CSMD2: variants seen among roughly 807,000 people sequenced by gnomAD.
The protein encoded by CSMD2 is CUB and Sushi multiple domains 2.
Under a neutral mutation model 398.5 loss-of-function variants are expected in CSMD2, and 130 were observed. That is an observed-to-expected ratio of 0.33 (90% confidence interval 0.28 to 0.38). The LOEUF is 0.38. CSMD2 is among the 10% of genes least tolerant of loss of function. The probability of loss-of-function intolerance (pLI) is 1.00; values close to 1 mark genes in which losing one functional copy is unlikely to be tolerated. For missense variants in CSMD2, 3,829 were observed against 4,764.9 expected (o/e 0.80, Z 5.78); for synonymous variants, 1,828 against 1,908.5 (o/e 0.96, Z 1.10).
intron 48 of CSMD2, among the ~76,000 whole-genome samples, chr1:33,578,973 C>G (rs544161478): frequency 1.3e-5 from 2 of 152,174 alleles, no homozygotes; most frequent in Non-Finnish European, 2.9e-5. Flanking sequence ...ACAAGAATCT[C>G]GGTTGTAAAA....
intron 25 of CSMD2, among the ~76,000 whole-genome samples, chr1:33,688,425 A>G (rs543553483): frequency 2.6e-5 from 4 of 152,246 alleles, no homozygotes; most frequent in Non-Finnish European, 2.9e-5. Context: ...GACAGACATT[A>G]ATAGTTATTT....
chr1:33,914,385 AGT>A (rs72433922), intron 5 of CSMD2, among the ~76,000 whole-genome samples: 9,377 of 139,450 alleles, frequency 0.067, 336 homozygotes, highest in Middle Eastern at 0.11. Context: ...ACGATTTGGC[AGT>A]GTGTGTGTGT....
At position 34,164,768 on chromosome 1, in the gene CSMD2, TGA is replaced by T; in HGVS notation, c.187+141_187+142del. 1.5e-6 allele frequency: 1 copy of T among 688,870 alleles called. No homozygotes were observed. Among genetic ancestry groups the T allele is most frequent in the South Asian group, 7.4e-5 (1 of 13,478 alleles). 42.7% of individuals were successfully genotyped at this position (688,870 alleles called of 1,614,324 possible). A position where few individuals can be genotyped will look rare whatever the true frequency, so the allele number is the denominator to read the frequency against. On this transcript the variant is annotated intron_variant, in intron 1 of 70. Transcript: ENST00000373381. This position sits in a 1 kb window ranked among gnomAD's most constrained non-coding sequence, Gnocchi z 6.2. ...TGGGAGACGGAGGCAGGGATGAGAA[TGA>T]GAGTAGGCAACTGGGAGGGTGGGAG...
intron 19 of CSMD2, among the ~76,000 whole-genome samples, chr1:33,719,410 G>A (rs1005097521): frequency 6.6e-6 from 1 of 152,200 alleles, no homozygotes; most frequent in Non-Finnish European, 1.5e-5. Flanking sequence ...TTCTAAGGAT[G>A]AGCAAACATC....
chr1:33,656,644 A>G (rs527936644), intron 27 of CSMD2, among the ~76,000 whole-genome samples: 2 of 152,302 alleles, frequency 1.3e-5, no homozygotes, highest in East Asian at 1.9e-4. Context: ...CCTTACACCC[A>G]TCTCCAGCAG....
chr1:33,565,364 A>AG (rs1658960552), intron 53 of CSMD2, among the ~76,000 whole-genome samples: 1 of 152,230 alleles, frequency 6.6e-6, no homozygotes, highest in Non-Finnish European at 1.5e-5. Context: ...CAATGATGGG[A>AG]AAACCTGGGG....
At chr1:33,759,630 C>T (rs1649557469) in intron 13 of CSMD2, among the ~76,000 whole-genome samples, 2 of 151,990 alleles carry the variant, frequency 1.3e-5, no homozygotes, top group African/African-American at 4.8e-5. Context: ...CAGCCCAGAG[C>T]TTGAGTTTCA....
chr1:33,837,401 A>AT (rs5773433), intron 6 of CSMD2, among the ~76,000 whole-genome samples: 42,176 of 151,870 alleles, frequency 0.28, 6,325 homozygotes, highest in South Asian at 0.46. Flanking sequence ...ATTTTTTTTC[A>AT]TGGAGCACCC....
chr1:33,874,116 CT>C (rs1253465856), intron 5 of CSMD2, among the ~76,000 whole-genome samples: 1 of 152,210 alleles, frequency 6.6e-6, no homozygotes. Flanking sequence ...TGTTTGTCCC[CT>C]CAACTGGTAG....
intron 12 of CSMD2, among the ~76,000 whole-genome samples, chr1:33,774,800 G>C (rs1025703260): frequency 1.4e-4 from 21 of 152,260 alleles, no homozygotes; most frequent in Admixed American, 8.5e-4. Context: ...CCTTCCCATC[G>C]TGTAGGCACA....
chr1:34,080,211 G>A (rs1264122628), intron 2 of CSMD2, among the ~76,000 whole-genome samples: 1 of 150,260 alleles, frequency 6.7e-6, no homozygotes, highest in Non-Finnish European at 1.5e-5. Context: ...AATTCACTCT[G>A]AAGATCTAAT....
At chr1:33,749,152 C>G (rs925923524) in intron 13 of CSMD2, among the ~76,000 whole-genome samples, 2 of 126,018 alleles carry the variant, frequency 1.6e-5, no homozygotes, top group African/African-American at 3.2e-5. Flanking sequence ...GGCTGGAGTG[C>G]AGTGGCCTGA....
At chr1:34,147,879 T>C (rs1639927032) in intron 1 of CSMD2, among the ~76,000 whole-genome samples, 1 of 152,090 alleles carries the variant, frequency 6.6e-6, no homozygotes, top group Admixed American at 6.5e-5. Flanking sequence ...AACTTTTCTA[T>C]GAAGTAGGAC....
intron 57 of CSMD2, among the ~76,000 whole-genome samples, chr1:33,544,102 CTTTTTTTTTTTTT>C: frequency 1.1e-5 from 1 of 89,346 alleles, no homozygotes; most frequent in South Asian, 4.1e-4. Context: ...CCATATTTGT[CTTTTTTTTTTTTT>C]TTTTTTTTTG....
chr1:33,800,891 C>T (rs972846721), intron 10 of CSMD2, among the ~76,000 whole-genome samples: 3 of 152,144 alleles, frequency 2.0e-5, no homozygotes, highest in Non-Finnish European at 4.4e-5. Context: ...TGGAGGCACA[C>T]GGCAAACCTC....
At chr1:33,613,259 T>C (rs1641165862) in intron 40 of CSMD2, among the ~76,000 whole-genome samples, 1 of 152,130 alleles carries the variant, frequency 6.6e-6, no homozygotes, top group Non-Finnish European at 1.5e-5. Context: ...TGGCTGAACA[T>C]AAGGACTTAC....
chr1:33,828,005 G>A (rs1015639374), intron 6 of CSMD2, among the ~76,000 whole-genome samples: 1 of 152,166 alleles, frequency 6.6e-6, no homozygotes, highest in East Asian at 1.9e-4. Flanking sequence ...TGCAAGGAAG[G>A]CTGCCTCCCA....
At chr1:34,059,718 G>GTGAATGAATGAATGAATGAATGAA (rs146583969) in intron 2 of CSMD2, among the ~76,000 whole-genome samples, 1 of 151,460 alleles carries the variant, frequency 6.6e-6, no homozygotes, top group East Asian at 1.9e-4. Context: ...GAATGAATAC[G>GTGAATGAATGAATGAATGAATGAA]TGAATGAATG....
chr1:33,875,260 C>T (rs930345433), intron 5 of CSMD2, among the ~76,000 whole-genome samples: 1 of 152,202 alleles, frequency 6.6e-6, no homozygotes, highest in Non-Finnish European at 1.5e-5. Context: ...CCAGGGCAAA[C>T]ATAAGGGGCG....
Sources: gnomAD v4.1 joint callset for allele counts (sites outside exome capture counted in the v4.1 genomes callset) on GRCh38, gnomAD v4.1.1 for gene constraint, Gnocchi (gnomAD v3.1) non-coding constraint, MANE v1.5 for transcripts, NCBI Gene and HGNC (gene_info 2026-07-23, HGNC 2026-07-21) for gene names.